ERC1: variants seen among roughly 807,000 people sequenced by gnomAD.
ERC1 encodes the protein RAB6 interacting protein 2.
Under a neutral mutation model 132.0 loss-of-function variants are expected in ERC1, and 56 were observed. The ratio of observed to expected loss-of-function variants is 0.42; its 90% CI spans 0.34 to 0.53. The LOEUF (loss-of-function observed/expected upper bound fraction) is 0.53. ERC1 is among the 20% of genes least tolerant of loss of function. The pLI is 0.03. For synonymous variants in ERC1, 478 were observed against 476.1 expected (o/e 1.00, Z -0.05); for missense variants, 1,202 against 1,349.9 (o/e 0.89, Z 1.72).
chr12:1,378,506 C>G (rs1356996459), intron 16 of ERC1, among the ~76,000 whole-genome samples: 1 of 152,166 alleles, frequency 6.6e-6, no homozygotes, highest in Admixed American at 6.5e-5. Context: ...ATAGACCTGT[C>G]TGTAGTCTAC....
intron 15 of ERC1, among the ~76,000 whole-genome samples, chr12:1,354,738 C>T (rs1299424178): frequency 1.3e-5 from 2 of 152,172 alleles, no homozygotes; most frequent in Non-Finnish European, 2.9e-5. Flanking sequence ...GCAACCTCCG[C>T]GTTCTAGGTT....
intron 16 of ERC1, among the ~76,000 whole-genome samples, chr12:1,394,292 G>T (rs561060531): frequency 3.4e-5 from 5 of 149,034 alleles, no homozygotes; most frequent in Admixed American, 6.7e-5. Flanking sequence ...CCCAGCTACT[G>T]GGGAGGCTGA....
At chr12:1,444,275 G>T (rs1424677668) in intron 17 of ERC1, 3 of 233,746 alleles carry the variant, frequency 1.3e-5, no homozygotes, top group South Asian at 1.2e-4. Flanking sequence ...AGTTAGTCCT[G>T]TGCTTAATTC....
chr12:1,486,578 G>A (rs2094220173), intron 18 of ERC1, among the ~76,000 whole-genome samples: 1 of 151,956 alleles, frequency 6.6e-6, no homozygotes, highest in South Asian at 2.1e-4. Context: ...GCACGTGCCA[G>A]CATGCCCAGC....
intron 17 of ERC1, among the ~76,000 whole-genome samples, chr12:1,418,659 CTCTTTCT>C (rs1260288668): frequency 9.0e-6 from 1 of 110,884 alleles, no homozygotes; most frequent in African/African-American, 3.8e-5. Flanking sequence ...CTCTCTCTCT[CTCTTTCT>C]TTTCTTTCTT....
rs531967141 is a variant in ERC1, at chr12:1,295,266, C to G, written c.2780+5254C>G. Among the ~76,000 whole-genome samples, 3 of 152,248 alleles carry G rather than the reference C, an allele frequency of 2.0e-5. No homozygotes were observed. The South Asian group carries it at 6.2e-4, about 32-fold the overall frequency. On this transcript the variant is annotated intron_variant, in intron 15 of 18. Transcript: ENST00000360905. ...TTCTCACTCAGATTCGAAAGGTCCCCCATCGATTTAAAAATTGTGGACTTT... is the reference window on the plus strand; with the variant it reads ...TTCTCACTCAGATTCGAAAGGTCCCGCATCGATTTAAAAATTGTGGACTTT...
chr12:1,209,035 C>G (rs1957614358), intron 12 of ERC1, among the ~76,000 whole-genome samples: 1 of 133,196 alleles, frequency 7.5e-6, no homozygotes, highest in South Asian at 2.4e-4. Context: ...GTGATGTGAT[C>G]TCAGCTCACT....
At chr12:1,003,096 C>CAAAAAAAAAAAAAAAAAAAAACAAA in intron 1 of ERC1, among the ~76,000 whole-genome samples, 1 of 86,916 alleles carries the variant, frequency 1.2e-5, no homozygotes, top group Admixed American at 1.5e-4. Flanking sequence ...ATGAAAAATG[C>CAAAAAAAAAAAAAAAAAAAAACAAA]AAAAAAAAAA....
intron 15 of ERC1, among the ~76,000 whole-genome samples, chr12:1,343,658 C>G (rs916450275): frequency 6.6e-6 from 1 of 152,054 alleles, no homozygotes; most frequent in Non-Finnish European, 1.5e-5. Flanking sequence ...GTGCCACTTA[C>G]GCTGTCTCAC....
intron 13 of ERC1, chr12:1,244,786 TGGG>T: frequency 3.8e-6 from 1 of 264,698 alleles, no homozygotes; most frequent in South Asian, 3.4e-5. Context: ...CTACAAGTGC[TGGG>T]ATTACAGGTG....
chr12:1,018,014 T>C (rs564356916), intron 1 of ERC1, among the ~76,000 whole-genome samples: 1 of 152,196 alleles, frequency 6.6e-6, no homozygotes, highest in Non-Finnish European at 1.5e-5. Context: ...CATTAGTCTG[T>C]TTTTGAGCTT....
intron 15 of ERC1, among the ~76,000 whole-genome samples, chr12:1,323,980 C>T (rs1326322617): frequency 6.6e-6 from 1 of 152,156 alleles, no homozygotes; most frequent in Non-Finnish European, 1.5e-5. Context: ...TGCCCTCCCA[C>T]CTCCCTGTTA....
chr12:1,127,926 C>T (rs544694885), intron 7 of ERC1, among the ~76,000 whole-genome samples: 12 of 152,260 alleles, frequency 7.9e-5, no homozygotes, highest in African/African-American at 2.9e-4. Context: ...AAATCTAGTA[C>T]TATCCTGAGA....
intron 2 of ERC1, among the ~76,000 whole-genome samples, chr12:1,052,656 A>C (rs1450117597): frequency 6.6e-6 from 1 of 152,172 alleles, no homozygotes; most frequent in Admixed American, 6.6e-5. Context: ...AAAAACATTA[A>C]AAAGTATTAC....
chr12:1,408,564 G>C (rs2091654047), intron 17 of ERC1, among the ~76,000 whole-genome samples: 1 of 152,136 alleles, frequency 6.6e-6, no homozygotes, highest in African/African-American at 2.4e-5. Context: ...ATTTTTAACT[G>C]TCTTGGTTTT....
chr12:1,238,746 A>G (rs1293004941), intron 13 of ERC1, among the ~76,000 whole-genome samples: 2 of 152,162 alleles, frequency 1.3e-5, no homozygotes, highest in Admixed American at 1.3e-4. Flanking sequence ...GTCTCTCTCT[A>G]TAAACCAAAG....
chr12:1,483,922 G>A (rs943956307), intron 18 of ERC1, among the ~76,000 whole-genome samples: 5 of 151,606 alleles, frequency 3.3e-5, no homozygotes, highest in African/African-American at 1.2e-4. Context: ...TCAAACTCCT[G>A]ACCTCACGTG....
chr12:1,072,017 C>T (rs867879646), intron 2 of ERC1, among the ~76,000 whole-genome samples: 10 of 151,592 alleles, frequency 6.6e-5, no homozygotes, highest in African/African-American at 2.4e-4. Context: ...ATGAGAATCG[C>T]TTGAACCTGG....
intron 16 of ERC1, among the ~76,000 whole-genome samples, chr12:1,405,293 G>T (rs967691193): frequency 7.5e-5 from 11 of 146,726 alleles, no homozygotes; most frequent in South Asian, 6.5e-4. Flanking sequence ...TTATTAATCG[G>T]TTTTTTTTTT....
Sources: allele counts gnomAD v4.1 joint callset (sites outside exome capture counted in the v4.1 genomes callset), GRCh38; gene constraint gnomAD v4.1.1; transcripts MANE v1.5; gene names NCBI Gene and HGNC (gene_info 2026-07-23, HGNC 2026-07-21).